APC: variants seen among roughly 807,000 people sequenced by gnomAD.
APC encodes adenomatous polyposis coli protein.
APC carries 72 observed loss-of-function variants against 247.0 expected under a neutral mutation model. The ratio of observed to expected loss-of-function variants is 0.29; its 90% CI spans 0.24 to 0.35. The LOEUF is 0.35. APC is among the 10% of genes least tolerant of loss of function. APC has a pLI of 1.00. For synonymous variants in APC, 1,254 were observed against 1,162.5 expected, an observed-to-expected ratio of 1.08 and a Z score of -1.60; for missense variants, 3,400 against 3,360.7, an observed-to-expected ratio of 1.01 and a Z score of -0.29.
Position 112,838,229 on chromosome 5 carries a change from C to G in APC, c.2635C>G (p.Gln879Glu), listed in dbSNP as rs1060503287. The G allele has an allele frequency of 6.2e-7, 1 of 1,613,806 alleles. No homozygotes were observed. Among genetic ancestry groups the G allele is most frequent in the African/African-American group, 1.3e-5 (1 of 74,818 alleles). ...NPGTSSKRGL[Q>E]ISTTAAQIAK... is the part of the protein sequence containing the mutation. ...AGGAACTTCTTCAAAGCGAGGTTTG[C>G]AGATCTCCACCACTGCAGCCCAGAT... The change falls in exon 16 of 16, where the codon CAG (glutamine) becomes GAG (glutamate). Residue 879 changes from glutamine to glutamate, a missense_variant. Transcript: ENST00000257430.
intron 14 of APC, among the ~76,000 whole-genome samples, chr5:112,831,992 T>C (rs186203353): frequency 4.7e-4 from 72 of 152,320 alleles, no homozygotes. Context: ...CTAATTTTGC[T>C]TCTGACACAA....
chr5:112,788,281 C>T (rs1230173955), intron 6 of APC, among the ~76,000 whole-genome samples: 3 of 152,128 alleles, frequency 2.0e-5, no homozygotes, highest in East Asian at 1.9e-4. Flanking sequence ...GTCATGTAAA[C>T]TTTAATGTCA....
At chr5:112,749,373 A>G (rs143740458) in intron 1 of APC, among the ~76,000 whole-genome samples, 1 of 151,570 alleles carries the variant, frequency 6.6e-6, no homozygotes, top group East Asian at 1.9e-4. Context: ...GATTGGAATG[A>G]TTTGTTCCTT....
chr5:112,773,123 C>T (rs747667309), intron 4 of APC, among the ~76,000 whole-genome samples: 5 of 152,100 alleles, frequency 3.3e-5, no homozygotes, highest in African/African-American at 4.8e-5. Context: ...CCTTTCTTCC[C>T]AATCAGTCCA....
intron 9 of APC, among the ~76,000 whole-genome samples, chr5:112,817,981 T>C (rs1309850819): frequency 1.3e-5 from 2 of 152,220 alleles, no homozygotes; most frequent in Non-Finnish European, 2.9e-5. Flanking sequence ...AAGCAGCATT[T>C]CTAAACCTCA....
chr5:112,749,322 AAAT>A (rs780839849), intron 1 of APC, among the ~76,000 whole-genome samples: 7 of 152,108 alleles, frequency 4.6e-5, no homozygotes, highest in Non-Finnish European at 8.8e-5. Context: ...ATGCATTGGA[AAAT>A]ATTTGCTATT....
At chr5:112,743,163 A>G (rs144412328) in intron 1 of APC, among the ~76,000 whole-genome samples, 7 of 152,276 alleles carry the variant, frequency 4.6e-5, no homozygotes, top group Middle Eastern at 6.8e-3. Context: ...GCAGCATTCT[A>G]AATCTCTCTC....
At position 112,840,309 on chromosome 5, in the gene APC, T is replaced by C. The variant is rs863224543; in HGVS notation, c.4715T>C (p.Ile1572Thr). ...TTAGATGATTCAGATGATGATGATA[T>C]TGAAATACTAGAAGAATGTATTATT... Reference protein sequence around the residue: ...DLLDDSDDDDIEILEECIISA... With the variant: ...DLLDDSDDDDTEILEECIISA... The change falls in exon 16 of 16, where the codon ATT becomes ACT. Residue 1572 changes from isoleucine to threonine, a missense_variant. Around this residue, in one of 9 missense-constraint regions of APC, gnomAD observed 1,788 missense variants for 1,649.5 expected, o/e 1.08. Transcript: ENST00000257430. This position sits in a 1 kb window ranked among gnomAD's most constrained non-coding sequence, Gnocchi z 4.1. 6 of 1,614,024 alleles carry C rather than the reference T, an allele frequency of 3.7e-6. No homozygotes were observed. Among genetic ancestry groups the C allele is most frequent in the Middle Eastern group, 1.6e-4 (1 of 6,084 alleles).
Position 112,815,551 on chromosome 5 carries a change from A to G in APC, c.891A>G (p.Thr297=). 1 of 1,612,460 alleles carries G rather than the reference A, an allele frequency of 6.2e-7. No individual in the cohort carries two copies. Among genetic ancestry groups the G allele is most frequent in the South Asian group, 1.1e-5 (1 of 91,056 alleles). ...CCAGTGTTTTGAGTTCTAGTAGCAC[A>G]CACTCTGCACCTCGAAGGCTGACAA... ...ETASVLSSSS[T]HSAPRRLTSH... Residue 297 remains threonine, a synonymous_variant, in exon 9 of 16, where the codon ACA becomes ACG. Coordinates refer to ENST00000257430, the MANE Select transcript of APC (RefSeq NM_000038.6).
intron 7 of APC, among the ~76,000 whole-genome samples, chr5:112,799,601 T>C (rs112087679): frequency 6.6e-6 from 1 of 152,180 alleles, no homozygotes; most frequent in Non-Finnish European, 1.5e-5. Context: ...TAAAATTTAC[T>C]TGCAACTTTA....
At chr5:112,829,024 T>C (rs1190903054) in intron 14 of APC, 52 bp downstream of exon 14, 1 of 1,230,204 alleles carries the variant, frequency 8.1e-7, no homozygotes, top group Non-Finnish European at 1.2e-6. Context: ...TTTGGCTTTT[T>C]TTTGCTGCCT....
chr5:112,751,377 A>C (rs1754345147), intron 1 of APC, among the ~76,000 whole-genome samples: 1 of 152,048 alleles, frequency 6.6e-6, no homozygotes, highest in Non-Finnish European at 1.5e-5. Context: ...AAATAAACAA[A>C]AGCTTTATAT....
chr5:112,778,254 C>G lies in APC; in HGVS notation c.531+2517C>G, dbSNP rs549287323. On this transcript the variant is annotated intron_variant, in intron 5 of 15. Coordinates refer to ENST00000257430, the MANE Select transcript of APC (RefSeq NM_000038.6). Reference sequence around the variant, plus strand: ...CAAGCTGCTCTGGGTTATAGGTCTGCAGTGTTCTGTAAAAAAAAAATTCTA... The same window carrying G: ...CAAGCTGCTCTGGGTTATAGGTCTGGAGTGTTCTGTAAAAAAAAAATTCTA... 4.7e-4 allele frequency: 74 copies of G among 156,024 alleles called. 1 individual carries two copies. Among genetic ancestry groups the G allele is most frequent in the African/African-American group, 1.7e-3 (72 of 41,634 alleles). The allele number at this position is 156,024 out of a possible 1,614,324, so 9.7% of individuals were successfully genotyped here. A position where few individuals can be genotyped will look rare whatever the true frequency, so the allele number is the denominator to read the frequency against.
chr5:112,769,840 A>C (rs185632299), intron 4 of APC, among the ~76,000 whole-genome samples: 22 of 152,324 alleles, frequency 1.4e-4, no homozygotes, highest in Middle Eastern at 6.8e-3. Flanking sequence ...AAAAATAGGG[A>C]TAATTATCTG....
rs2149898001 is a variant in APC at position 112,839,328 on chromosome 5, A to T, written c.3734A>T (p.Lys1245Met). The T allele has an allele frequency of 6.2e-7, 1 of 1,613,278 alleles. No homozygotes were observed. The highest frequency in any genetic ancestry group is 8.5e-7 in the Non-Finnish European group (1 of 1,179,628). The change falls in exon 16 of 16, where the codon AAG becomes ATG. Residue 1245 changes from lysine (K) to methionine (M), a missense_variant. By Grantham distance (95) the Lys-to-Met change is moderately conservative. This residue lies in a region of APC where 715 missense variants were observed against 656.6 expected (regional missense o/e 1.09). Coordinates refer to ENST00000257430, the MANE Select transcript of APC (RefSeq NM_000038.6). This position sits in a 1 kb window ranked among gnomAD's most constrained non-coding sequence, Gnocchi z 5.0. ...CAGAGTAGAAGTGGTCAGCCTCAAA[A>T]GGCTGCCACTTGCAAAGTTTCTTCT... is the stretch of plus-strand genomic sequence containing the variant. ...SAQSRSGQPQ[K>M]AATCKVSSIN...
intron 6 of APC, among the ~76,000 whole-genome samples, chr5:112,786,879 T>C (rs1759008423): frequency 7.1e-6 from 1 of 141,286 alleles, no homozygotes; most frequent in East Asian, 2.4e-4. Context: ...CCTGCCTTTT[T>C]CTTTTTCTTT....
intron 5 of APC, among the ~76,000 whole-genome samples, chr5:112,779,327 G>A (rs973037129): frequency 6.6e-6 from 1 of 152,178 alleles, no homozygotes; most frequent in Non-Finnish European, 1.5e-5. Flanking sequence ...TCTACATGAA[G>A]TCAGGTTCAG....
chr5:112,826,501 A>G (rs537076605), intron 11 of APC, among the ~76,000 whole-genome samples: 1 of 152,100 alleles, frequency 6.6e-6, no homozygotes, highest in South Asian at 2.1e-4. Context: ...ATTTGATATT[A>G]TCAACGAGAA....
chr5:112,802,397 T>G (rs991791572), intron 8 of APC, among the ~76,000 whole-genome samples: 1 of 152,136 alleles, frequency 6.6e-6, no homozygotes, highest in African/African-American at 2.4e-5. Context: ...ATCTGTCTTT[T>G]GTTTAGGGAA....
Sources: gnomAD v4.1 joint callset for allele counts (sites outside exome capture counted in the v4.1 genomes callset) on GRCh38, gnomAD v4.1.1 for gene constraint, gnomAD v4.1.1 regional missense constraint, Gnocchi (gnomAD v3.1) non-coding constraint, MANE v1.5 for transcripts, NCBI Gene and HGNC (gene_info 2026-07-23, HGNC 2026-07-21) for gene names.